Variants in ANK3 observed in about 807,000 individuals in gnomAD.
ANK3 encodes ankyrin 3.
ANK3 carries 57 observed loss-of-function variants against 370.9 expected under a neutral mutation model. The observed-to-expected ratio is 0.15, with a 90% CI of 0.12 to 0.19. ANK3 has a LOEUF of 0.19. Ranked by LOEUF, ANK3 falls within the 10% of genes least tolerant of loss-of-function variation. The pLI is 1.00. For synonymous variants in ANK3, 1,929 were observed against 1,946.3 expected, an observed-to-expected ratio of 0.99 and a Z score of 0.23; for missense variants, 4,439 against 5,302.1, an observed-to-expected ratio of 0.84 and a Z score of 5.06.
At chr10:60,395,010 G>C (rs2063187478) in intron 2 of ANK3, among the ~76,000 whole-genome samples, 1 of 152,180 alleles carries the variant, frequency 6.6e-6, no homozygotes, top group Non-Finnish European at 1.5e-5. Flanking sequence ...AGGGAAATGT[G>C]AGTAGTGTAA....
intron 25 of ANK3, among the ~76,000 whole-genome samples, chr10:60,127,616 C>T (rs2093829903): frequency 6.6e-6 from 1 of 152,020 alleles, no homozygotes; most frequent in East Asian, 1.9e-4. Flanking sequence ...TGATGTCATG[C>T]CTTCTACCTT....
At chr10:60,513,649 T>A (rs572531343) in intron 2 of ANK3, among the ~76,000 whole-genome samples, 3 of 152,234 alleles carry the variant, frequency 2.0e-5, no homozygotes, top group African/African-American at 7.2e-5. Context: ...TCTCCCTAAA[T>A]ATACTGTACT....
At chr10:60,467,607 A>C (rs1268019452) in intron 2 of ANK3, among the ~76,000 whole-genome samples, 1 of 152,214 alleles carries the variant, frequency 6.6e-6, no homozygotes, top group Non-Finnish European at 1.5e-5. Flanking sequence ...TCTTTCACCT[A>C]AATATTCACA....
intron 2 of ANK3, among the ~76,000 whole-genome samples, chr10:60,595,820 G>A (rs577511118): frequency 1.3e-5 from 2 of 152,228 alleles, no homozygotes; most frequent in South Asian, 2.1e-4. Flanking sequence ...AGATGGAGTT[G>A]GTTAGGTGAG....
At chr10:60,724,883 A>G (rs2079919011) in intron 1 of ANK3, among the ~76,000 whole-genome samples, 1 of 152,218 alleles carries the variant, frequency 6.6e-6, no homozygotes, top group South Asian at 2.1e-4. Context: ...AACAGTATCA[A>G]ATAACAACGT....
At chr10:60,328,125 A>G (rs918072285) in intron 1 of ANK3, among the ~76,000 whole-genome samples, 13 of 152,240 alleles carry the variant, frequency 8.5e-5, no homozygotes, top group Non-Finnish European at 1.8e-4. Context: ...CTTAAACTAG[A>G]TATTTCCAAG....
At chr10:60,477,516 TACACACACAC>T (rs761752696) in intron 2 of ANK3, among the ~76,000 whole-genome samples, 3,323 of 122,672 alleles carry the variant, frequency 0.027, 129 homozygotes, top group African/African-American at 0.091. Context: ...CAGACAGACA[TACACACACAC>T]ACACACACAC....
intron 1 of ANK3, among the ~76,000 whole-genome samples, chr10:60,353,855 T>A (rs1326285033): frequency 2.0e-5 from 3 of 152,206 alleles, no homozygotes; most frequent in African/African-American, 7.2e-5. Context: ...CCCAGGGAGA[T>A]CCCAGCCTGT....
intron 5 of ANK3, among the ~76,000 whole-genome samples, chr10:60,267,756 A>T (rs751162289): frequency 4.6e-5 from 7 of 152,214 alleles, no homozygotes; most frequent in Non-Finnish European, 8.8e-5. Context: ...TGATCCGTAC[A>T]TCACAGTGTG....
intron 2 of ANK3, among the ~76,000 whole-genome samples, chr10:60,442,795 C>A (rs115525108): frequency 0.012 from 1,877 of 152,290 alleles, 36 homozygotes; most frequent in African/African-American, 0.043. Context: ...ATTTGATCCC[C>A]CACAAACTCT....
chr10:60,716,363 C>G (rs2079788375), intron 1 of ANK3, among the ~76,000 whole-genome samples: 1 of 151,856 alleles, frequency 6.6e-6, no homozygotes, highest in South Asian at 2.1e-4. Flanking sequence ...TGTGTATTGC[C>G]AAAGTATGCA....
At chr10:60,428,133 G>A (rs2063931241) in intron 2 of ANK3, among the ~76,000 whole-genome samples, 1 of 152,148 alleles carries the variant, frequency 6.6e-6, no homozygotes, top group Non-Finnish European at 1.5e-5. Context: ...CATGCAGTGA[G>A]TCTAGGCAGT....
At chr10:60,503,200 T>C (rs996850632) in intron 2 of ANK3, among the ~76,000 whole-genome samples, 2 of 152,204 alleles carry the variant, frequency 1.3e-5, no homozygotes, top group African/African-American at 4.8e-5. Context: ...AGTAATTCTG[T>C]AAATTAAATA....
chr10:60,240,556 G>T (rs1201097778), intron 7 of ANK3, among the ~76,000 whole-genome samples: 5 of 150,942 alleles, frequency 3.3e-5, no homozygotes, highest in Non-Finnish European at 1.5e-5. Flanking sequence ...CACCTGCCTC[G>T]GCCTCCCAAA....
intron 27 of ANK3, chr10:60,108,130 T>C (rs2092379786): frequency 2.6e-6 from 1 of 390,586 alleles, no homozygotes. Flanking sequence ...CAGAAAAAAA[T>C]TGAAAATGGA....
intron 41 of ANK3, among the ~76,000 whole-genome samples, chr10:60,057,281 T>C (rs568844285): frequency 1.3e-5 from 2 of 152,364 alleles, no homozygotes; most frequent in East Asian, 3.9e-4. Context: ...TTCTTTTAAA[T>C]TGACTTCTAA....
At chr10:60,469,309 C>T (rs1595092743) in intron 2 of ANK3, among the ~76,000 whole-genome samples, 1 of 134,384 alleles carries the variant, frequency 7.4e-6, no homozygotes, top group Non-Finnish European at 1.6e-5. Flanking sequence ...ATATATATAC[C>T]ACTTTTAGTG....
upstream of ANK3, among the ~76,000 whole-genome samples, chr10:60,392,700 G>A (rs2063137449): frequency 6.6e-6 from 1 of 152,128 alleles, no homozygotes; most frequent in Non-Finnish European, 1.5e-5. Context: ...AGGCTGAGGT[G>A]GGCAGATCAC....
chr10:60,353,881 G>C (rs528819100), intron 1 of ANK3, among the ~76,000 whole-genome samples: 1 of 152,338 alleles, frequency 6.6e-6, no homozygotes, highest in East Asian at 1.9e-4. Context: ...TTCCCCAGTA[G>C]TTGTCAGCAG....
Sources: allele counts gnomAD v4.1 joint callset (sites outside exome capture counted in the v4.1 genomes callset), GRCh38; gene constraint gnomAD v4.1.1; transcripts MANE v1.5; gene names NCBI Gene and HGNC (gene_info 2026-07-23, HGNC 2026-07-21).